RBBP6: variants seen among roughly 807,000 people sequenced by gnomAD.
RBBP6 encodes the protein RB binding protein 6, ubiquitin ligase, also known as E3 ubiquitin-protein ligase RBBP6.
In RBBP6, 25 loss-of-function variants were observed where a neutral mutation model predicts 167.7. The observed-to-expected ratio is 0.15, with a 90% confidence interval of 0.11 to 0.21. The LOEUF (loss-of-function observed/expected upper bound fraction) is 0.21, where lower values mean the gene tolerates loss of function less well. Among genes scored for constraint, RBBP6 ranks in the 10% least tolerant of loss-of-function variants. RBBP6 has a pLI of 1.00. For synonymous variants in RBBP6, 789 were observed against 735.8 expected (o/e 1.07, Z -1.17); for missense variants, 1,868 against 2,134.2 (o/e 0.88, Z 2.46).
chr16:24,551,354 G>A (rs1328482252), intron 3 of RBBP6, among the ~76,000 whole-genome samples: 1 of 151,598 alleles, frequency 6.6e-6, no homozygotes, highest in Non-Finnish European at 1.5e-5. Flanking sequence ...TTGATGTTTA[G>A]TAATACAAAT....
chr16:24,569,317 C>T lies in RBBP6; in HGVS notation c.2627C>T (p.Thr876Ile). 6.2e-7 allele frequency: 1 copy of T among 1,612,422 alleles called. No homozygotes were observed. The highest frequency in any genetic ancestry group is 8.5e-7 in the Non-Finnish European group (1 of 1,179,646). ...LPLNIRNSPFTRGRREDYVGG... is the reference protein window; with the variant it reads ...LPLNIRNSPFIRGRREDYVGG... ...CTTAACATCAGGAATTCTCCCTTCA[C>T]AAGAGGCCGCAGAGAAGACTATGTT... is the stretch of plus-strand genomic sequence containing the variant. The change falls in exon 17 of 18, where the codon ACA becomes ATA. Residue 876 changes from threonine (T) to isoleucine (I), a missense_variant. Around this residue, in one of 7 missense-constraint regions of RBBP6, gnomAD observed 673 missense variants for 691.5 expected, o/e 0.97. Coordinates refer to ENST00000319715, the MANE Select transcript of RBBP6 (RefSeq NM_006910.5).
At chr16:24,568,052 T>A (rs1899235638) in intron 16 of RBBP6, among the ~76,000 whole-genome samples, 159 bp downstream of exon 16, 1 of 152,240 alleles carries the variant, frequency 6.6e-6, no homozygotes, top group Admixed American at 6.5e-5. Flanking sequence ...ATCTGTTCAT[T>A]GAAATAATGT....
At position 24,571,757 on chromosome 16, in the gene RBBP6, A is replaced by G; in HGVS notation, c.4691A>G (p.Asn1564Ser). The change falls in exon 18 of 18, where the codon AAT (asparagine) becomes AGT (serine). Residue 1564 changes from asparagine to serine, a missense_variant. By Grantham distance (46) the Asn-to-Ser change is conservative. Coordinates refer to ENST00000319715, the MANE Select transcript of RBBP6 (RefSeq NM_006910.5). Reference protein sequence around the residue: ...PNEETKSVDKNPCKDREKHVL... With the variant: ...PNEETKSVDKSPCKDREKHVL... Reference sequence around the variant, plus strand: ...GAAGAGACAAAATCTGTAGATAAAAATCCTTGTAAGGATCGTGAGAAGCAT... The same window carrying G: ...GAAGAGACAAAATCTGTAGATAAAAGTCCTTGTAAGGATCGTGAGAAGCAT... The G allele has an allele frequency of 3.1e-6, 5 of 1,614,160 alleles. No homozygotes were observed. The highest frequency in any genetic ancestry group is 1.1e-5 in the South Asian group (1 of 91,070).
Position 24,571,914 on chromosome 16 carries a change from C to G in RBBP6, c.4848C>G (p.Pro1616=). ...ACAAGAGTACTGTCAAGCCTAAACC[C>G]CAGTTAAGTCATTCCTCTAGACTTT... ...QIDKSTVKPK[P]QLSHSSRLSS... is the part of the protein sequence containing the mutation. The change falls in exon 18 of 18, where the codon CCC becomes CCG. Residue 1616 remains proline, a synonymous_variant. Coordinates refer to ENST00000319715, the MANE Select transcript of RBBP6 (RefSeq NM_006910.5). 1 of 1,614,032 alleles carries G rather than the reference C, an allele frequency of 6.2e-7. No homozygotes were observed. The highest frequency in any genetic ancestry group is 8.5e-7 in the Non-Finnish European group (1 of 1,179,986).
chr16:24,557,811 G>A (rs1344204614), intron 7 of RBBP6, among the ~76,000 whole-genome samples: 1 of 152,166 alleles, frequency 6.6e-6, no homozygotes, highest in Non-Finnish European at 1.5e-5. Context: ...GTGAGCAGGT[G>A]GGGATGATGA....
intron 1 of RBBP6, among the ~76,000 whole-genome samples, chr16:24,543,414 G>C (rs1018918871): frequency 2.0e-5 from 3 of 151,320 alleles, no homozygotes; most frequent in African/African-American, 4.9e-5. Context: ...CTCCCAAGTA[G>C]CTGGACTACA....
chr16:24,540,865 C>G (rs1195600228), intron 1 of RBBP6, 73 bp downstream of exon 1: 1 of 1,515,504 alleles, frequency 6.6e-7, no homozygotes, highest in Non-Finnish European at 8.9e-7. Flanking sequence ...TGGCAGGAAG[C>G]TAACCGCCAT....
chr16:24,561,466 A>G lies in RBBP6; in HGVS notation c.848-146A>G, dbSNP rs1056815641. 4 of 671,988 alleles carry G rather than the reference A, an allele frequency of 6.0e-6. No homozygotes were observed. In the East Asian group the frequency reaches 1.1e-4, roughly 18 times the overall value. The allele number at this position is 671,988 out of a possible 1,614,324, so 41.6% of individuals were successfully genotyped here. ...ACTGTAAGATGAGAGATTTTACTTAAGTTTCTTAATCTAAGAAATGATTAG... is the reference window on the plus strand; with the variant it reads ...ACTGTAAGATGAGAGATTTTACTTAGGTTTCTTAATCTAAGAAATGATTAG... On this transcript the variant is annotated intron_variant, in intron 8 of 17. Transcript: ENST00000319715.
At chr16:24,565,092 A>G (rs1411298533) in intron 14 of RBBP6, among the ~76,000 whole-genome samples, 1 of 152,180 alleles carries the variant, frequency 6.6e-6, no homozygotes, top group African/African-American at 2.4e-5. Flanking sequence ...ATTCCTTCCC[A>G]GTGATTACTT....
chr16:24,557,831 C>G (rs2141467391), intron 7 of RBBP6, among the ~76,000 whole-genome samples: 1 of 152,278 alleles, frequency 6.6e-6, no homozygotes, highest in East Asian at 1.9e-4. Flanking sequence ...ATGAAAATAG[C>G]TATGCCATAG....
At chr16:24,561,801 A>G (rs1413134253) in intron 9 of RBBP6, 23 bp from the exon 10 acceptor site, 4 of 1,606,946 alleles carry the variant, frequency 2.5e-6, no homozygotes, top group Middle Eastern at 1.7e-4. Context: ...ATTTTTCTGC[A>G]TTATTATGCT....
chr16:24,546,299 T>G, intron 2 of RBBP6, 37 bp downstream of exon 2: 1 of 1,412,464 alleles, frequency 7.1e-7, no homozygotes, highest in Non-Finnish European at 9.1e-7. Context: ...CAAAATAGAC[T>G]TTTTTTAGTT....
Position 24,572,291 on chromosome 16 carries a change from A to G in RBBP6, c.5225A>G (p.Lys1742Arg), listed in dbSNP as rs1219305524. Residue 1742 changes from lysine (K) to arginine (R), a missense_variant, in exon 18 of 18, where the codon AAA becomes AGA. Physicochemically the swap from Lys to Arg is conservative, Grantham distance 26. Around this residue, in one of 7 missense-constraint regions of RBBP6, gnomAD observed 591 missense variants for 540.5 expected, o/e 1.09. Coordinates refer to ENST00000319715, the MANE Select transcript of RBBP6 (RefSeq NM_006910.5). ...GAAAAGAAAAAACACAAGAAACATA[A>G]AAAGCATAAGAAGCATAAGAAACAT... is the stretch of plus-strand genomic sequence containing the variant. ...KKEKKKHKKH[K>R]KHKKHKKHAG... 1.3e-6 allele frequency: 2 copies of G among 1,599,136 alleles called. No individual in the cohort carries two copies. Among genetic ancestry groups the G allele is most frequent in the Non-Finnish European group, 1.7e-6 (2 of 1,172,444 alleles).
chr16:24,563,762 G>C, intron 13 of RBBP6, 98 bp downstream of exon 13: 1 of 1,100,258 alleles, frequency 9.1e-7, no homozygotes, highest in African/African-American at 1.6e-5. Context: ...GTCCAAACTA[G>C]GCAGCGGGTC....
chr16:24,556,397 A>G lies in RBBP6; in HGVS notation c.624A>G (p.Lys208=). 2 of 1,606,104 alleles carry G rather than the reference A, an allele frequency of 1.2e-6. No individual in the cohort carries two copies. The highest frequency in any genetic ancestry group is 1.7e-6 in the Non-Finnish European group (2 of 1,172,878). ...FMMEVKDPNM[K]GAMLTNTGKY... Reference sequence around the variant, plus strand: ...TGGAAGTGAAAGATCCTAATATGAAAGGTGCAATGCTTACCAACACTGGAA... The same window carrying G: ...TGGAAGTGAAAGATCCTAATATGAAGGGTGCAATGCTTACCAACACTGGAA... The change falls in exon 7 of 18, where the codon AAA becomes AAG. Residue 208 remains lysine (K), a synonymous_variant. Transcript: ENST00000319715.
At chr16:24,546,016 T>G in intron 1 of RBBP6, 147 bp from the exon 2 acceptor site, 1 of 1,270,834 alleles carries the variant, frequency 7.9e-7, no homozygotes, top group African/African-American at 1.6e-5. Flanking sequence ...ATGTTTGTTC[T>G]GACAATATCA....
chr16:24,563,723 T>A, intron 13 of RBBP6, 59 bp downstream of exon 13: 5 of 1,538,840 alleles, frequency 3.2e-6, no homozygotes, highest in Non-Finnish European at 4.5e-6. Context: ...TAATGGAAGG[T>A]CCAAACTAGG....
chr16:24,556,017 C>A, intron 6 of RBBP6, 100 bp downstream of exon 6: 3 of 1,121,382 alleles, frequency 2.7e-6, no homozygotes, highest in Non-Finnish European at 2.6e-6. Flanking sequence ...CTTCTGTAGA[C>A]AATGGCAAAT....
chr16:24,542,634 TG>T (rs1401185134), intron 1 of RBBP6, among the ~76,000 whole-genome samples: 1 of 152,092 alleles, frequency 6.6e-6, no homozygotes, highest in Admixed American at 6.5e-5. Flanking sequence ...AATTTTTTTT[TG>T]TATTTTTAGT....
Sources: gnomAD v4.1 joint callset for allele counts (sites outside exome capture counted in the v4.1 genomes callset) on GRCh38, gnomAD v4.1.1 for gene constraint, gnomAD v4.1.1 regional missense constraint, MANE v1.5 for transcripts, NCBI Gene and HGNC (gene_info 2026-07-23, HGNC 2026-07-21) for gene names.